Variants in TIAM2 observed in about 807,000 individuals in gnomAD.
TIAM2 encodes the protein TIAM Rac1 associated GEF 2.
A neutral mutation model predicts 152.9 loss-of-function variants in TIAM2; 80 were observed. That is an observed-to-expected ratio of 0.52 (90% CI 0.44 to 0.63). The LOEUF is 0.63. TIAM2 is among the 30% of genes least tolerant of loss of function. TIAM2 has a pLI of 0.00. For synonymous variants in TIAM2, 804 were observed against 838.0 expected (o/e 0.96, Z 0.70); for missense variants, 1,965 against 2,120.1 (o/e 0.93, Z 1.44).
chr6:155,122,803 G>A (rs73575612), intron 2 of TIAM2, among the ~76,000 whole-genome samples: 6 of 150,820 alleles, frequency 4.0e-5, no homozygotes, highest in African/African-American at 1.2e-4. Flanking sequence ...GTGACTGTAC[G>A]TATACATACT....
At position 155,156,889 on chromosome 6, in the gene TIAM2, G is replaced by C. The variant is rs1780131583; in HGVS notation, c.2029-7526G>C. Among the ~76,000 whole-genome samples, 1 of 152,084 alleles carries C rather than the reference G, an allele frequency of 6.6e-6. No homozygotes were observed. On this transcript the variant is annotated intron_variant, in intron 7 of 26. Transcript: ENST00000682666. The surrounding 1 kb of genome is among the most constrained non-coding windows in gnomAD (Gnocchi z 4.4). ...TCATCTGGCTCACCCCTTCTCGACT[G>C]TCATGAAGGGTTTAGGGGTCGCTTC...
At chr6:155,015,944 C>CAAAAAAAAAAAAAAA (rs3081689) in intron 1 of TIAM2, among the ~76,000 whole-genome samples, 5 of 61,836 alleles carry the variant, frequency 8.1e-5, no homozygotes, top group Admixed American at 1.8e-4. Context: ...TTCAAAAAAC[C>CAAAAAAAAAAAAAAA]AAAAAAAAAA....
Position 155,254,457 on chromosome 6 carries a change from G to T in TIAM2, c.4352G>T (p.Arg1451Leu), listed in dbSNP as rs763875942. 1.2e-6 allele frequency: 2 copies of T among 1,614,048 alleles called. No homozygotes were observed. The highest frequency in any genetic ancestry group is 1.7e-6 in the Non-Finnish European group (2 of 1,179,968). The change falls in exon 26 of 27, where the codon CGT becomes CTT. Residue 1451 changes from arginine (R) to leucine (L), a missense_variant. Coordinates refer to ENST00000682666, the MANE Select transcript of TIAM2 (RefSeq NM_012454.4). ...ESKTNIVKVI[R>L]SILRENFRRH... Reference sequence around the variant, plus strand: ...AAAACCAACATTGTTAAGGTGATTCGTTCTATTCTGAGGGAGAACTTCAGG... The same window carrying T: ...AAAACCAACATTGTTAAGGTGATTCTTTCTATTCTGAGGGAGAACTTCAGG...
intron 14 of TIAM2, among the ~76,000 whole-genome samples, chr6:155,193,855 T>C (rs1230797569): frequency 2.6e-5 from 4 of 152,364 alleles, no homozygotes; most frequent in African/African-American, 9.6e-5. Context: ...GTTCCTGCCT[T>C]ATTTGTGCTG....
intron 14 of TIAM2, among the ~76,000 whole-genome samples, chr6:155,189,762 A>G (rs185642370): frequency 5.1e-4 from 78 of 152,374 alleles, no homozygotes; most frequent in Middle Eastern, 3.4e-3. Flanking sequence ...ATTAGAGGTC[A>G]GAGGTGGGAT....
chr6:155,085,334 G>A (rs1778152200), intron 1 of TIAM2, among the ~76,000 whole-genome samples: 1 of 152,190 alleles, frequency 6.6e-6, no homozygotes, highest in South Asian at 2.1e-4. Context: ...TACTTACGTA[G>A]AGGTGGGAGG....
chr6:155,162,861 A>G (rs559989009), intron 7 of TIAM2, among the ~76,000 whole-genome samples: 85 of 152,346 alleles, frequency 5.6e-4, no homozygotes, highest in African/African-American at 1.9e-3. Context: ...CATTGTTTCA[A>G]TGCACCTTGG....
At chr6:155,158,972 A>T (rs574099687) in intron 7 of TIAM2, among the ~76,000 whole-genome samples, 8 of 152,224 alleles carry the variant, frequency 5.3e-5, no homozygotes, top group Non-Finnish European at 1.2e-4. Flanking sequence ...AAATGTGGTC[A>T]GGTAATACAT....
intron 6 of TIAM2, among the ~76,000 whole-genome samples, chr6:155,146,768 ATT>A (rs373361803): frequency 5.2e-5 from 7 of 135,894 alleles, no homozygotes; most frequent in African/African-American, 8.4e-5. Context: ...TGCCTGGCTA[ATT>A]TTTTTTTTTT....
chr6:155,069,641 T>A (rs1206377806), intron 1 of TIAM2, among the ~76,000 whole-genome samples: 1 of 152,194 alleles, frequency 6.6e-6, no homozygotes, highest in Non-Finnish European at 1.5e-5. Context: ...GATCATTGTA[T>A]ACAGTAATTT....
Position 155,244,711 on chromosome 6 carries a change from T to G in TIAM2, c.3471T>G (p.Phe1157Leu), listed in dbSNP as rs760433713. ...LPEMLEFQKV[F>L]LETLEDGISA... ...AGATGCTTGAGTTTCAGAAGGTGTT[T>G]CTGGAGACCCTGGAGGATGGGATTT... is the stretch of plus-strand genomic sequence containing the variant. Residue 1157 changes from phenylalanine (F) to leucine (L), a missense_variant, in exon 18 of 27, where the codon TTT becomes TTG. This residue lies in a region of TIAM2 where 935 missense variants were observed against 980.0 expected (regional missense o/e 0.95). Coordinates refer to ENST00000682666, the MANE Select transcript of TIAM2 (RefSeq NM_012454.4). 1.2e-6 allele frequency: 2 copies of G among 1,614,120 alleles called. No individual in the cohort carries two copies. Among genetic ancestry groups the G allele is most frequent in the South Asian group, 2.2e-5 (2 of 91,074 alleles).
intron 14 of TIAM2, among the ~76,000 whole-genome samples, chr6:155,201,543 C>G (rs1226247557): frequency 6.6e-6 from 1 of 152,198 alleles, no homozygotes; most frequent in Non-Finnish European, 1.5e-5. Flanking sequence ...TCATAAAACC[C>G]CATGGGAGGC....
intron 15 of TIAM2, among the ~76,000 whole-genome samples, chr6:155,234,961 CAGCTAGAGAGGGGAACAG>C (rs1379948232): frequency 6.6e-6 from 1 of 151,984 alleles, no homozygotes; most frequent in African/African-American, 2.4e-5. Context: ...GCTGTGCGGA[CAGCTAGAGAGGGGAACAG>C]AGCTAGAGAC....
At chr6:155,095,704 C>G (rs73573744) in intron 2 of TIAM2, among the ~76,000 whole-genome samples, 2,655 of 152,256 alleles carry the variant, frequency 0.017, 84 homozygotes, top group African/African-American at 0.06. Flanking sequence ...CTTTGGAACT[C>G]AAATTCAATT....
intron 15 of TIAM2, among the ~76,000 whole-genome samples, chr6:155,230,928 G>T (rs1164580982): frequency 6.6e-6 from 1 of 151,608 alleles, no homozygotes. Context: ...CTGCCTCCCG[G>T]GTTCAAGCAG....
intron 1 of TIAM2, among the ~76,000 whole-genome samples, chr6:155,055,969 A>AG (rs547300070): frequency 1.3e-3 from 203 of 152,234 alleles, no homozygotes; most frequent in African/African-American, 4.2e-3. Flanking sequence ...GACTCAAAAA[A>AG]CAAAACAACA....
chr6:155,107,857 C>T (rs916151661), intron 2 of TIAM2, among the ~76,000 whole-genome samples: 21 of 152,298 alleles, frequency 1.4e-4, no homozygotes, highest in Admixed American at 2.6e-4. Flanking sequence ...TACTGCTGAA[C>T]GTCTGGTGTG....
At chr6:155,127,852 A>C (rs2115034827) in intron 3 of TIAM2, among the ~76,000 whole-genome samples, 1 of 152,322 alleles carries the variant, frequency 6.6e-6, no homozygotes, top group Non-Finnish European at 1.5e-5. Context: ...CAACTGACCT[A>C]AAATAGTGAT....
At chr6:155,124,471 C>T (rs1272501426) in intron 2 of TIAM2, among the ~76,000 whole-genome samples, 4 of 152,208 alleles carry the variant, frequency 2.6e-5, no homozygotes, top group Non-Finnish European at 5.9e-5. Context: ...GCTGGGATTA[C>T]AGGCATGCAC....
Sources: allele counts gnomAD v4.1 joint callset (sites outside exome capture counted in the v4.1 genomes callset), GRCh38; gene constraint gnomAD v4.1.1; regional missense constraint gnomAD v4.1.1; non-coding constraint Gnocchi (gnomAD v3.1); transcripts MANE v1.5; gene names NCBI Gene and HGNC (gene_info 2026-07-23, HGNC 2026-07-21).